Variants in RNF111 observed in about 807,000 individuals in gnomAD.
The protein encoded by RNF111 is ring finger protein 111, also known as E3 ubiquitin-protein ligase Arkadia.
Under a neutral mutation model 95.1 loss-of-function variants are expected in RNF111, and 17 were observed. That is an observed-to-expected ratio of 0.18 (90% CI 0.12 to 0.27). RNF111 has a LOEUF of 0.27. Ranked by LOEUF, RNF111 falls within the 10% of genes least tolerant of loss-of-function variation. RNF111 has a pLI of 1.00. For synonymous variants in RNF111, 440 were observed against 414.8 expected (o/e 1.06, Z -0.74); for missense variants, 1,189 against 1,210.4 (o/e 0.98, Z 0.26).
chr15:58,991,352 G>A (rs146068952), intron 1 of RNF111, among the ~76,000 whole-genome samples: 4 of 152,124 alleles, frequency 2.6e-5, no homozygotes, highest in South Asian at 2.1e-4. Context: ...TTTAAAGAGC[G>A]GTACTGCATT....
At chr15:59,040,300 A>G (rs1299321908) in intron 2 of RNF111, among the ~76,000 whole-genome samples, 2 of 148,358 alleles carry the variant, frequency 1.3e-5, no homozygotes, top group Non-Finnish European at 3.0e-5. Flanking sequence ...TTATATTTTA[A>G]TTTTTTTTTT....
rs760339233 is a variant in RNF111, at chr15:59,030,948, C to T, written c.126C>T (p.Pro42=). The T allele has an allele frequency of 1.9e-6, 3 of 1,614,178 alleles. No individual in the cohort carries two copies. Among genetic ancestry groups the T allele is most frequent in the Non-Finnish European group, 2.5e-6 (3 of 1,180,034 alleles). ...AAGGGATCCTTTTGCATCCAGAGCC[C>T]ATTGGGGCAGCCAAAAGTTTTCCTG... The part of the protein sequence containing the change: ...SLKGILLHPE[P]IGAAKSFPAG... The change falls in exon 2 of 14, where the codon CCC becomes CCT. Residue 42 remains proline, a synonymous_variant. Coordinates refer to ENST00000348370, the MANE Select transcript of RNF111 (RefSeq NM_017610.8).
intron 10 of RNF111, among the ~76,000 whole-genome samples, chr15:59,088,237 TA>T (rs1318061644): frequency 6.6e-6 from 1 of 152,054 alleles, no homozygotes; most frequent in Admixed American, 6.6e-5. Context: ...GAGTGGGTGA[TA>T]AGGATTGAGT....
chr15:59,048,373 C>T (rs1470816096), intron 2 of RNF111, among the ~76,000 whole-genome samples: 6 of 152,288 alleles, frequency 3.9e-5, no homozygotes, highest in Middle Eastern at 6.8e-3. Context: ...CTCCACTTAA[C>T]ATAAAACTTT....
At chr15:59,005,726 T>C (rs916394205) in intron 1 of RNF111, among the ~76,000 whole-genome samples, 1 of 152,078 alleles carries the variant, frequency 6.6e-6, no homozygotes, top group Non-Finnish European at 1.5e-5. Flanking sequence ...GGGGAAGAAT[T>C]CAGAGGGAAG....
intron 7 of RNF111, among the ~76,000 whole-genome samples, chr15:59,078,552 TAAAA>T (rs56959347): frequency 2.8e-4 from 26 of 94,466 alleles, no homozygotes; most frequent in South Asian, 2.7e-3. Context: ...AACCTGTCTC[TAAAA>T]AAAAAAAAAA....
At chr15:59,052,629 A>T (rs1426154741) in intron 3 of RNF111, among the ~76,000 whole-genome samples, 198 bp downstream of exon 3, 1 of 126,562 alleles carries the variant, frequency 7.9e-6, no homozygotes, top group African/African-American at 3.2e-5. Context: ...CCCAGGCTGG[A>T]CTTCTACCCC....
chr15:59,007,393 A>G (rs561804336), intron 1 of RNF111, among the ~76,000 whole-genome samples: 1 of 152,264 alleles, frequency 6.6e-6, no homozygotes, highest in Admixed American at 6.5e-5. Context: ...CCGTATTGAT[A>G]CATGTATCAG....
intron 3 of RNF111, 53 bp downstream of exon 3, chr15:59,052,484 A>G (rs781734637): frequency 3.7e-5 from 48 of 1,314,454 alleles, no homozygotes; most frequent in Non-Finnish European, 4.9e-5. Context: ...TAAATATTAA[A>G]CATATTTGTG....
Position 59,066,892 on chromosome 15 carries a change from C to A in RNF111, c.1495C>A (p.His499Asn). ...GTCACAGAACCACCATGCATTAGGA[C>A]ATCCTCATACAAGTTGCTTTCAGCA... is the stretch of plus-strand genomic sequence containing the variant. ...GSSQNHHALG[H>N]PHTSCFQQHG... Residue 499 changes from histidine to asparagine, a missense_variant, in exon 6 of 14, where the codon CAT (histidine) becomes AAT (asparagine). Transcript: ENST00000348370. 5 of 1,614,076 alleles carry A rather than the reference C, an allele frequency of 3.1e-6. No homozygotes were observed. Among genetic ancestry groups the A allele is most frequent in the Non-Finnish European group, 4.2e-6 (5 of 1,180,006 alleles).
At chr15:59,088,173 G>T (rs1032537603) in intron 10 of RNF111, among the ~76,000 whole-genome samples, 18 of 152,114 alleles carry the variant, frequency 1.2e-4, no homozygotes, top group African/African-American at 4.3e-4. Context: ...AGAGAGAGAG[G>T]CTTGGTGGGA....
At chr15:59,027,581 T>TG (rs1299740993) in intron 1 of RNF111, among the ~76,000 whole-genome samples, 1 of 151,532 alleles carries the variant, frequency 6.6e-6, no homozygotes, top group East Asian at 1.9e-4. Context: ...CAGGCTGGAG[T>TG]GCAATGGCGC....
At chr15:59,010,030 C>T (rs2141533086) in intron 1 of RNF111, among the ~76,000 whole-genome samples, 1 of 152,226 alleles carries the variant, frequency 6.6e-6, no homozygotes, top group Middle Eastern at 3.4e-3. Flanking sequence ...TTTTGTCATT[C>T]AGTTTATATG....
At chr15:59,008,859 A>G (rs115711400) in intron 1 of RNF111, among the ~76,000 whole-genome samples, 3,036 of 152,320 alleles carry the variant, frequency 0.02, 107 homozygotes, top group African/African-American at 0.067. Flanking sequence ...TCTTCAAGGA[A>G]TAATAGACGG....
At chr15:59,014,611 TA>T (rs1440638364) in intron 1 of RNF111, among the ~76,000 whole-genome samples, 1 of 152,166 alleles carries the variant, frequency 6.6e-6, no homozygotes, top group Non-Finnish European at 1.5e-5. Flanking sequence ...GGCAAGCACA[TA>T]GGGGAAAGTT....
chr15:59,056,910 C>T lies in RNF111; in HGVS notation c.1171+1065C>T, dbSNP rs915725925. On this transcript the variant is annotated intron_variant, in intron 4 of 13. Coordinates refer to ENST00000348370, the MANE Select transcript of RNF111 (RefSeq NM_017610.8). Reference sequence around the variant, plus strand: ...GGAGAAGGTGATAGAGTAGCCTTTTCCACATTACAGTAAGTTCAACCAGAA... The same window carrying T: ...GGAGAAGGTGATAGAGTAGCCTTTTTCACATTACAGTAAGTTCAACCAGAA... 4.7e-4 allele frequency among the ~76,000 whole-genome samples: 71 copies of T among 152,144 alleles called. 1 individual carries two copies. The highest frequency in any genetic ancestry group is 6.6e-5 in the Admixed American group (1 of 15,260).
intron 1 of RNF111, among the ~76,000 whole-genome samples, chr15:58,993,368 AT>A (rs146049004): frequency 0.059 from 8,908 of 151,458 alleles, 247 homozygotes; most frequent in Middle Eastern, 0.079. Flanking sequence ...AATAAAAAAA[AT>A]ATAACTGTAA....
intron 10 of RNF111, among the ~76,000 whole-genome samples, chr15:59,088,972 C>T (rs1476266170): frequency 1.3e-5 from 2 of 152,142 alleles, no homozygotes; most frequent in Admixed American, 6.5e-5. Context: ...CTGTGAAAAA[C>T]GTGGCACTAA....
intron 1 of RNF111, among the ~76,000 whole-genome samples, chr15:59,028,107 C>T (rs1230025893): frequency 4.6e-5 from 7 of 152,164 alleles, no homozygotes; most frequent in Non-Finnish European, 7.3e-5. Context: ...GTTTGGCCAC[C>T]GCGCCTGGCC....
Sources: allele counts gnomAD v4.1 joint callset (sites outside exome capture counted in the v4.1 genomes callset), GRCh38; gene constraint gnomAD v4.1.1; transcripts MANE v1.5; gene names NCBI Gene and HGNC (gene_info 2026-07-23, HGNC 2026-07-21).